Variants in GOLGA8B observed in about 807,000 individuals in gnomAD.
The protein encoded by GOLGA8B is golgin subfamily A member 8B.
GOLGA8B carries 1 observed loss-of-function variant against 15.6 expected under a neutral mutation model. The ratio of observed to expected loss-of-function variants is 0.06; its 90% confidence interval spans 0.02 to 0.30. The LOEUF is 0.30. Ranked by LOEUF, GOLGA8B falls within the 10% of genes least tolerant of loss-of-function variation. GOLGA8B has a pLI of 1.00. For missense variants in GOLGA8B, 17 were observed against 201.3 expected (o/e 0.08, Z 5.54); for synonymous variants, 9 against 80.3 (o/e 0.11, Z 4.75).
intron 1 of GOLGA8B, among the ~76,000 whole-genome samples, chr15:34,567,913 T>C (rs1030658827): frequency 1.3e-5 from 2 of 151,794 alleles, no homozygotes; most frequent in African/African-American, 4.9e-5. Flanking sequence ...ACTTACCCCT[T>C]TTTCATCACT....
chr15:34,580,661 C>T (rs1329305726), intron 1 of GOLGA8B, among the ~76,000 whole-genome samples: 1 of 152,002 alleles, frequency 6.6e-6, no homozygotes, highest in Non-Finnish European at 1.5e-5. Flanking sequence ...GAGCTGGACC[C>T]AACCCAGGCG....
intron 1 of GOLGA8B, among the ~76,000 whole-genome samples, chr15:34,563,829 T>C (rs1888686160): frequency 6.9e-6 from 1 of 144,446 alleles, no homozygotes; most frequent in Admixed American, 6.8e-5. Flanking sequence ...TGAATCATCC[T>C]TGTATTCCTA....
chr15:34,560,015 T>C (rs1888586118), intron 1 of GOLGA8B, among the ~76,000 whole-genome samples: 1 of 149,370 alleles, frequency 6.7e-6, no homozygotes, highest in Admixed American at 6.7e-5. Flanking sequence ...AAATGAGCCA[T>C]GAGTAAATAA....
Position 34,526,660 on chromosome 15 carries a change from C to T in GOLGA8B, c.*972G>A, listed in dbSNP as rs1406734399. 6.7e-6 allele frequency: 1 copy of T among 149,230 alleles called. No individual in the cohort carries two copies. 9.2% of individuals were successfully genotyped at this position (149,230 alleles called of 1,614,324 possible). On this transcript the variant is annotated 3_prime_UTR_variant, in exon 24 of 24. Transcript: ENST00000683415. ...CATTAAGAAGAATGCCAACCAGCGCCCTTTCGTGTACTGGGACAGGTAGTC... is the reference window on the plus strand; with the variant it reads ...CATTAAGAAGAATGCCAACCAGCGCTCTTTCGTGTACTGGGACAGGTAGTC...
chr15:34,583,125 G>T (rs913395442), intron 1 of GOLGA8B, among the ~76,000 whole-genome samples: 19 of 152,076 alleles, frequency 1.2e-4, no homozygotes, highest in African/African-American at 4.6e-4. Context: ...GGCGTCAAGC[G>T]GGGCAGCGGA....
chr15:34,567,863 G>C (rs1351381344), intron 1 of GOLGA8B, among the ~76,000 whole-genome samples: 11 of 151,690 alleles, frequency 7.3e-5, no homozygotes, highest in Admixed American at 7.2e-4. Flanking sequence ...TCTCAGCTCA[G>C]GGGTCCATGA....
At chr15:34,545,329 G>A (rs1243858013) in intron 6 of GOLGA8B, 49 bp downstream of exon 6, 1 of 130,352 alleles carries the variant, frequency 7.7e-6, no homozygotes. Flanking sequence ...TTACGTAATC[G>A]AAACACTCTA....
Position 34,525,214 on chromosome 15 carries a change from A to G in GOLGA8B, c.*2418T>C, listed in dbSNP as rs190924286. On this transcript the variant is annotated 3_prime_UTR_variant, in exon 24 of 24. Coordinates refer to ENST00000683415, the MANE Select transcript of GOLGA8B (RefSeq NM_001023567.5). ...TGCCAAGCATGCCCAGTATTTGCAC[A>G]GTATCAATACCTTTAATACTATAAT... is the stretch of plus-strand genomic sequence containing the variant. The G allele has an allele frequency of 1.1e-3, 159 of 150,052 alleles. 12 individuals carry two copies. Among genetic ancestry groups the G allele is most frequent in the African/African-American group, 3.6e-3 (146 of 40,660 alleles). 9.3% of individuals were successfully genotyped at this position (150,052 alleles called of 1,614,324 possible).
intron 1 of GOLGA8B, among the ~76,000 whole-genome samples, chr15:34,578,706 G>GT (rs1889147820): frequency 6.6e-6 from 1 of 152,178 alleles, no homozygotes; most frequent in Non-Finnish European, 1.5e-5. Flanking sequence ...CCGATGATGC[G>GT]TGTTTCATTC....
Position 34,572,509 on chromosome 15 carries a change from C to T in GOLGA8B, c.-1123+11007G>A, listed in dbSNP as rs115824980. ...ATCTCTAAGACACACAGCTGGTGAG[C>T]GGATCGAAGTGCAAATCTTATTTAC... On this transcript the variant is annotated intron_variant, in intron 1 of 23. Transcript: ENST00000683415. Among the ~76,000 whole-genome samples, 831 of 152,276 alleles carry T rather than the reference C, an allele frequency of 5.5e-3. 8 individuals are homozygous for T. The highest frequency in any genetic ancestry group is 0.019 in the African/African-American group (784 of 41,538).
At position 34,525,267 on chromosome 15, in the gene GOLGA8B, A is replaced by T. The variant is rs1894419074; in HGVS notation, c.*2365T>A. 6.7e-6 allele frequency: 1 copy of T among 149,988 alleles called. No individual in the cohort carries two copies. The highest frequency in any genetic ancestry group is 1.5e-5 in the Non-Finnish European group (1 of 67,336). 9.3% of individuals were successfully genotyped at this position (149,988 alleles called of 1,614,324 possible). On this transcript the variant is annotated 3_prime_UTR_variant, in exon 24 of 24. Transcript: ENST00000683415. ...TCAAGATGCGCAAAATAAAATTTTA[A>T]GGCAAAAACAGCACTTTGCAACAAT...
intron 1 of GOLGA8B, among the ~76,000 whole-genome samples, chr15:34,567,519 G>A (rs79618261): frequency 0.078 from 11,788 of 150,442 alleles, 1 homozygote; most frequent in South Asian, 0.19. Flanking sequence ...ATTGTGAGAA[G>A]AGTCACATGA....
At chr15:34,554,501 C>T (rs1888440094) in intron 1 of GOLGA8B, among the ~76,000 whole-genome samples, 1 of 132,544 alleles carries the variant, frequency 7.5e-6, no homozygotes, top group African/African-American at 2.9e-5. Context: ...ACAAAACATA[C>T]ATACACGCTC....
intron 1 of GOLGA8B, among the ~76,000 whole-genome samples, chr15:34,569,438 C>T (rs1329618923): frequency 2.0e-5 from 3 of 152,000 alleles, no homozygotes; most frequent in South Asian, 2.1e-4. Flanking sequence ...TGCCTCTGGG[C>T]GCCACTCCCC....
intron 1 of GOLGA8B, among the ~76,000 whole-genome samples, chr15:34,570,636 A>G (rs1888891087): frequency 7.9e-6 from 1 of 126,484 alleles, no homozygotes; most frequent in Admixed American, 9.0e-5. Context: ...AAGGTCGACG[A>G]TGGCAAATGA....
At chr15:34,543,281 C>T (rs1234241507) in intron 7 of GOLGA8B, among the ~76,000 whole-genome samples, 5,800 of 129,756 alleles carry the variant, frequency 0.045, 4 homozygotes, top group Admixed American at 0.12. Flanking sequence ...TCAAGTGATC[C>T]TCCCACCTCA....
chr15:34,571,886 G>A (rs1236240927), intron 1 of GOLGA8B, among the ~76,000 whole-genome samples: 1 of 151,860 alleles, frequency 6.6e-6, no homozygotes, highest in Non-Finnish European at 1.5e-5. Flanking sequence ...AAGGACAAGT[G>A]GCATCTGAGA....
intron 1 of GOLGA8B, among the ~76,000 whole-genome samples, chr15:34,572,602 G>A (rs1365939652): frequency 7.2e-5 from 11 of 152,172 alleles, no homozygotes; most frequent in African/African-American, 2.2e-4. Context: ...AGTAAAATAT[G>A]TTCACAGACA....
At chr15:34,579,574 T>C (rs1889174648) in intron 1 of GOLGA8B, among the ~76,000 whole-genome samples, 1 of 152,156 alleles carries the variant, frequency 6.6e-6, no homozygotes, top group African/African-American at 2.4e-5. Flanking sequence ...CTGGTTACCT[T>C]CCCAAACACG....
Sources: gnomAD v4.1 joint callset for allele counts (sites outside exome capture counted in the v4.1 genomes callset) on GRCh38, gnomAD v4.1.1 for gene constraint, MANE v1.5 for transcripts, NCBI Gene and HGNC (gene_info 2026-07-23, HGNC 2026-07-21) for gene names.